The following SYNJ1 variants were observed in gnomAD, a reference collection of about 807,000 sequenced individuals.
SYNJ1 encodes synaptojanin 1.
A neutral mutation model predicts 168.2 loss-of-function variants in SYNJ1; 78 were observed. The ratio of observed to expected loss-of-function variants is 0.46; its 90% confidence interval spans 0.39 to 0.56. SYNJ1 has a LOEUF of 0.56. Among genes scored for constraint, SYNJ1 ranks in the 20% least tolerant of loss-of-function variants. SYNJ1 has a pLI of 0.00. For missense variants in SYNJ1, 1,303 were observed against 1,597.6 expected (o/e 0.82, Z 3.14); for synonymous variants, 539 against 548.6 (o/e 0.98, Z 0.24).
chr21:32,703,052 T>C (rs1017679530), intron 2 of SYNJ1, among the ~76,000 whole-genome samples: 5 of 152,268 alleles, frequency 3.3e-5, no homozygotes, highest in African/African-American at 4.8e-5. Context: ...CAGAGTCCTA[T>C]AGAACATCTC....
At chr21:32,645,812 G>A in intron 24 of SYNJ1, 23 bp from the exon 25 acceptor site, 1 of 1,501,996 alleles carries the variant, frequency 6.7e-7, no homozygotes, top group Non-Finnish European at 8.9e-7. Context: ...CAGGAGGTAA[G>A]AAGATCAGCT....
At chr21:32,676,441 G>T in intron 12 of SYNJ1, 86 bp from the exon 13 acceptor site, 1 of 1,299,368 alleles carries the variant, frequency 7.7e-7, no homozygotes, top group South Asian at 1.3e-5. Context: ...AAAACATTTT[G>T]AGAAGACCTC....
chr21:32,657,796 T>A lies in SYNJ1; in HGVS notation c.2381A>T (p.Asp794Val). The A allele has an allele frequency of 6.2e-7, 1 of 1,614,170 alleles. No homozygotes were observed. The highest frequency in any genetic ancestry group is 8.5e-7 in the Non-Finnish European group (1 of 1,180,010). ...YKYDLFSDDYDTSEKCRTPAW... is the reference protein window; with the variant it reads ...YKYDLFSDDYVTSEKCRTPAW... ...AGGGGTGCGGCACTTTTCACTGGTGTCATAGTCGTCAGAAAACAAGTCATA... is the reference window on the plus strand; with the variant it reads ...AGGGGTGCGGCACTTTTCACTGGTGACATAGTCGTCAGAAAACAAGTCATA... The change falls in exon 19 of 33, where the codon GAC becomes GTC. Residue 794 changes from aspartate to valine, a missense_variant. Physicochemically the swap from Asp to Val is radical, Grantham distance 152. Coordinates refer to ENST00000674351, the MANE Select transcript of SYNJ1 (RefSeq NM_203446.3).
At chr21:32,689,116 A>G (rs1392117984) in intron 6 of SYNJ1, among the ~76,000 whole-genome samples, 4 of 152,218 alleles carry the variant, frequency 2.6e-5, no homozygotes, top group African/African-American at 9.6e-5. Context: ...GAGATGAGGC[A>G]TAATTGAGAA....
Position 32,657,122 on chromosome 21 carries a change from T to C in SYNJ1, c.2462-2A>G. On this transcript the variant is annotated splice_acceptor_variant, in intron 19 of 32. Transcript: ENST00000674351. LOFTEE classifies it high-confidence loss of function. ...CATTTAGAAGATCTAGATCTTCAGC[T>C]GCAGTCAGAAGAAATGAAAACACAA... 6.4e-7 allele frequency: 1 copy of C among 1,569,404 alleles called. No homozygotes were observed.
intron 14 of SYNJ1, chr21:32,670,630 A>C (rs559658150): frequency 5.4e-6 from 2 of 372,530 alleles, no homozygotes; most frequent in Admixed American, 6.5e-5. Flanking sequence ...CTTTGAAAAA[A>C]CTCTTGCTAA....
rs772565258 is a variant in SYNJ1, at chr21:32,641,934, C to G, written c.3550G>C (p.Ala1184Pro). 22 of 1,613,756 alleles carry G rather than the reference C, an allele frequency of 1.4e-5. No individual in the cohort carries two copies. The highest frequency in any genetic ancestry group is 1.7e-5 in the Admixed American group (1 of 59,990). Residue 1184 changes from alanine (A) to proline (P), a missense_variant, in exon 29 of 33, where the codon GCA (alanine) becomes CCA (proline). This residue lies in a region of SYNJ1 where 383 missense variants were observed against 388.8 expected (regional missense o/e 0.99). Transcript: ENST00000674351. ...RSQPSPQAGL[A>P]GPGPAGYSTA... is the part of the protein sequence containing the mutation. Reference sequence around the variant, plus strand: ...CTGTATCCAGCAGGTCCTGGGCCTGCAAGTCCTGCTTGAGGTGAAGGCTGA... The same window carrying G: ...CTGTATCCAGCAGGTCCTGGGCCTGGAAGTCCTGCTTGAGGTGAAGGCTGA...
At chr21:32,720,710 T>C (rs2043189530) in intron 2 of SYNJ1, among the ~76,000 whole-genome samples, 1 of 152,230 alleles carries the variant, frequency 6.6e-6, no homozygotes, top group Non-Finnish European at 1.5e-5. Context: ...TAGCATGTAA[T>C]ATGGAAAAGA....
intron 2 of SYNJ1, among the ~76,000 whole-genome samples, chr21:32,710,914 AGTTTT>A (rs1449680195): frequency 6.6e-6 from 1 of 152,244 alleles, no homozygotes; most frequent in African/African-American, 2.4e-5. Context: ...TAAATAATTT[AGTTTT>A]AATATTCTAA....
intron 4 of SYNJ1, among the ~76,000 whole-genome samples, chr21:32,699,280 TCAGTTCTTTCTTTACC>T: frequency 6.6e-6 from 1 of 152,212 alleles, no homozygotes; most frequent in Non-Finnish European, 1.5e-5. Context: ...TTCTATTGTC[TCAGTTCTTTCTTTACC>T]CAGTTCTCAC....
At chr21:32,724,848 T>C (rs1034075137) in intron 2 of SYNJ1, among the ~76,000 whole-genome samples, 21 of 152,230 alleles carry the variant, frequency 1.4e-4, no homozygotes, top group Admixed American at 6.5e-5. Context: ...TAGACATCCA[T>C]TTATGTTAGC....
In SYNJ1 at chr21:32,695,122, T is replaced by C. The variant is rs1380033582; in HGVS notation, c.640A>G (p.Thr214Ala). The change falls in exon 5 of 33, where the codon ACC becomes GCC. Residue 214 changes from threonine to alanine, a missense_variant. Thr to Ala is a moderately conservative substitution (Grantham distance 58, BLOSUM62 0). Coordinates refer to ENST00000674351, the MANE Select transcript of SYNJ1 (RefSeq NM_203446.3). ...ISRLSCERAG[T>A]RFNVRGTNDD... is the part of the protein sequence containing the mutation. ...TTTGTTCCCCGGACATTAAACCTGG[T>C]CCCAGCTCGTTCACAGCTTAATCTT... is the stretch of plus-strand genomic sequence containing the variant. 2 of 1,614,056 alleles carry C rather than the reference T, an allele frequency of 1.2e-6. No homozygotes were observed. The highest frequency in any genetic ancestry group is 1.7e-6 in the Non-Finnish European group (2 of 1,180,030).
At chr21:32,700,928 T>C (rs1468177451) in intron 3 of SYNJ1, among the ~76,000 whole-genome samples, 1 of 152,204 alleles carries the variant, frequency 6.6e-6, no homozygotes, top group Non-Finnish European at 1.5e-5. Context: ...ATTTTTTTCA[T>C]GTAATTATGA....
At chr21:32,722,650 G>C (rs1218330649) in intron 2 of SYNJ1, among the ~76,000 whole-genome samples, 5 of 152,130 alleles carry the variant, frequency 3.3e-5, no homozygotes, top group Non-Finnish European at 7.4e-5. Flanking sequence ...TTCCCTTGCT[G>C]TCATTCATTT....
At chr21:32,724,610 T>C (rs1221599108) in intron 2 of SYNJ1, among the ~76,000 whole-genome samples, 1 of 152,208 alleles carries the variant, frequency 6.6e-6, no homozygotes, top group East Asian at 1.9e-4. Context: ...AGAGAACACA[T>C]TGATATTTTC....
rs1390578845 is a variant in SYNJ1, at chr21:32,644,979, T to A, written c.3419A>T (p.Lys1140Met). 6.2e-7 allele frequency: 1 copy of A among 1,607,698 alleles called. No homozygotes were observed. The highest frequency in any genetic ancestry group is 1.7e-4 in the Middle Eastern group (1 of 6,034). ...ATGTAAATGGTTACCTCCAAATTCCTTTCTAGTGGGTGCAGGACTCCTAGC... is the reference window on the plus strand; with the variant it reads ...ATGTAAATGGTTACCTCCAAATTCCATTCTAGTGGGTGCAGGACTCCTAGC... ...SGARSPAPTR[K>M]EFGGIGAPPS... is the part of the protein sequence containing the mutation. Residue 1140 changes from lysine to methionine, a missense_variant, in exon 26 of 33, where the codon AAG becomes ATG. Physicochemically the swap from Lys to Met is moderately conservative, Grantham distance 95. Around this residue, in one of 2 missense-constraint regions of SYNJ1, gnomAD observed 383 missense variants for 388.8 expected, o/e 0.99. Transcript: ENST00000674351.
In SYNJ1 at chr21:32,676,363, T is replaced by A. The variant is rs777311008; in HGVS notation, c.1511-8A>T. 1 of 1,606,374 alleles carries A rather than the reference T, an allele frequency of 6.2e-7. No individual in the cohort carries two copies. Among genetic ancestry groups the A allele is most frequent in the Non-Finnish European group, 8.5e-7 (1 of 1,176,274 alleles). On this transcript the variant is annotated splice_polypyrimidine_tract_variant and splice_region_variant and intron_variant, in intron 12 of 32. Transcript: ENST00000674351. ...GTAATGTCTGCTCAGAAACTATGGA[T>A]GCAACAAGAAGAAAACAAAGAATCA...
intron 6 of SYNJ1, 132 bp from the exon 7 acceptor site, chr21:32,688,499 T>C (rs1053122784): frequency 1.1e-5 from 8 of 699,890 alleles, no homozygotes; most frequent in Non-Finnish European, 1.5e-5. Flanking sequence ...TTTCCATTCA[T>C]GATATGCTTT....
chr21:32,682,169 CG>C (rs1376952999), intron 10 of SYNJ1, among the ~76,000 whole-genome samples: 1 of 152,042 alleles, frequency 6.6e-6, no homozygotes, highest in African/African-American at 2.4e-5. Flanking sequence ...AAATCCACAT[CG>C]GTAATATATA....
Sources: gnomAD v4.1 joint callset for allele counts (sites outside exome capture counted in the v4.1 genomes callset) on GRCh38, gnomAD v4.1.1 for gene constraint, gnomAD v4.1.1 regional missense constraint, MANE v1.5 for transcripts, NCBI Gene and HGNC (gene_info 2026-07-23, HGNC 2026-07-21) for gene names.